LTBP1: variants seen among roughly 807,000 people sequenced by gnomAD.
The protein encoded by LTBP1 is latent transforming growth factor beta binding protein 1, also known as latent-transforming growth factor beta-binding protein 1.
In LTBP1, 129 loss-of-function variants were observed where a neutral mutation model predicts 207.6. The observed-to-expected ratio is 0.62, with a 90% CI of 0.54 to 0.72. LTBP1 has a LOEUF of 0.72. Among genes scored for constraint, LTBP1 ranks in the 30% least tolerant of loss-of-function variants. The probability of loss-of-function intolerance (pLI) is 0.00; values close to 1 mark genes in which losing one functional copy is unlikely to be tolerated. For missense variants in LTBP1, 2,281 were observed against 2,217.2 expected, an observed-to-expected ratio of 1.03 and a Z score of -0.58; for synonymous variants, 963 against 833.7, an observed-to-expected ratio of 1.16 and a Z score of -2.67.
intron 5 of LTBP1, among the ~76,000 whole-genome samples, chr2:33,164,534 G>A (rs1220073078): frequency 6.6e-6 from 1 of 151,520 alleles, no homozygotes; most frequent in Non-Finnish European, 1.5e-5. Flanking sequence ...TAGTATTTTA[G>A]TCTATGCTTT....
intron 2 of LTBP1, among the ~76,000 whole-genome samples, chr2:32,973,341 A>G (rs948362860): frequency 6.6e-6 from 1 of 152,130 alleles, no homozygotes; most frequent in Middle Eastern, 3.2e-3. Flanking sequence ...GTGTATATAT[A>G]CTTAGTATAA....
intron 5 of LTBP1, among the ~76,000 whole-genome samples, chr2:33,156,469 T>G (rs1224997208): frequency 6.6e-6 from 1 of 152,210 alleles, no homozygotes; most frequent in Non-Finnish European, 1.5e-5. Flanking sequence ...GTCTGAGTTT[T>G]GTATTGTACT....
At position 33,280,176 on chromosome 2, in the gene LTBP1, C is replaced by A. The variant is rs905634254; in HGVS notation, c.3112+18C>A. ...GTGCCTTGGTAGGTACTATAGTGTA[C>A]TTATCAAAGATTTGTTTCTTCTGCA... is the stretch of plus-strand genomic sequence containing the variant. On this transcript the variant is annotated intron_variant, in intron 19 of 33. Coordinates refer to ENST00000404816, the MANE Select transcript of LTBP1 (RefSeq NM_206943.4). 6.3e-7 allele frequency: 1 copy of A among 1,596,478 alleles called. No individual in the cohort carries two copies. The highest frequency in any genetic ancestry group is 1.1e-5 in the South Asian group (1 of 87,032).
chr2:33,093,335 C>G (rs930589115), intron 3 of LTBP1, among the ~76,000 whole-genome samples: 1 of 152,108 alleles, frequency 6.6e-6, no homozygotes, highest in Admixed American at 6.5e-5. Flanking sequence ...CCCCTGCTCT[C>G]CCTCCTATTC....
chr2:33,179,853 T>C (rs1479204023), intron 5 of LTBP1, among the ~76,000 whole-genome samples: 2 of 152,162 alleles, frequency 1.3e-5, no homozygotes, highest in Non-Finnish European at 2.9e-5. Flanking sequence ...TTTATATTCT[T>C]TGTGTTTAAC....
chr2:33,392,756 A>T (rs912648631), intron 32 of LTBP1, among the ~76,000 whole-genome samples: 4 of 152,202 alleles, frequency 2.6e-5, no homozygotes, highest in Non-Finnish European at 5.9e-5. Context: ...TGTAATAATA[A>T]AAAAGGTATT....
chr2:33,041,338 G>A (rs868684819), intron 3 of LTBP1, among the ~76,000 whole-genome samples: 10 of 151,984 alleles, frequency 6.6e-5, no homozygotes, highest in Non-Finnish European at 1.5e-4. Flanking sequence ...AGGCTGGAGT[G>A]CAGTGGCATG....
chr2:33,358,734 A>G (rs1311544717), intron 26 of LTBP1, among the ~76,000 whole-genome samples: 1 of 152,174 alleles, frequency 6.6e-6, no homozygotes, highest in African/African-American at 2.4e-5. Flanking sequence ...GACCAGCTGA[A>G]TAAAATAATT....
At chr2:33,236,290 C>A (rs759588652) in intron 9 of LTBP1, among the ~76,000 whole-genome samples, 15 of 152,160 alleles carry the variant, frequency 9.9e-5, no homozygotes, top group Non-Finnish European at 1.6e-4. Flanking sequence ...GATGCCAGAT[C>A]ATGTTTTACA....
chr2:33,088,401 G>A (rs1197573429), intron 3 of LTBP1, among the ~76,000 whole-genome samples: 2 of 152,080 alleles, frequency 1.3e-5, no homozygotes, highest in East Asian at 1.9e-4. Context: ...GCGGTGAGCC[G>A]AGATCATGCC....
chr2:33,082,089 AGAGGT>A (rs1159332356), intron 3 of LTBP1, among the ~76,000 whole-genome samples: 1 of 152,198 alleles, frequency 6.6e-6, no homozygotes, highest in Non-Finnish European at 1.5e-5. Context: ...GGGATCTTTA[AGAGGT>A]GATTAGGCCG....
At chr2:33,014,047 C>T (rs765828888) in intron 2 of LTBP1, among the ~76,000 whole-genome samples, 2 of 152,100 alleles carry the variant, frequency 1.3e-5, no homozygotes, top group Non-Finnish European at 2.9e-5. Flanking sequence ...TGTGACTTGA[C>T]GATCTGACTC....
chr2:33,333,739 A>C (rs1339558242), intron 24 of LTBP1, among the ~76,000 whole-genome samples: 1 of 152,206 alleles, frequency 6.6e-6, no homozygotes, highest in African/African-American at 2.4e-5. Context: ...CCCATAGGGA[A>C]TTGGATCAAG....
At chr2:32,960,423 GA>G (rs1295075517) in intron 2 of LTBP1, among the ~76,000 whole-genome samples, 2 of 152,068 alleles carry the variant, frequency 1.3e-5, no homozygotes, top group African/African-American at 2.4e-5. Context: ...ATGAATGAAT[GA>G]ATGAATGAAT....
At chr2:33,128,244 A>G (rs1487735562) in intron 4 of LTBP1, among the ~76,000 whole-genome samples, 3 of 152,246 alleles carry the variant, frequency 2.0e-5, no homozygotes, top group Non-Finnish European at 2.9e-5. Context: ...TTTGAAAGAC[A>G]ACAAATGTGG....
intron 26 of LTBP1, among the ~76,000 whole-genome samples, chr2:33,353,003 G>T (rs2094804062): frequency 8.4e-6 from 1 of 119,100 alleles, no homozygotes. Flanking sequence ...TTTTGAGACA[G>T]AGTCTTGCTC....
intron 5 of LTBP1, among the ~76,000 whole-genome samples, chr2:33,172,577 C>T (rs1233689139): frequency 1.3e-5 from 2 of 152,054 alleles, no homozygotes; most frequent in African/African-American, 2.4e-5. Context: ...ACCCCACTGT[C>T]AACATTAGAC....
chr2:33,374,468 C>G (rs1349112401), intron 31 of LTBP1, among the ~76,000 whole-genome samples: 1 of 152,200 alleles, frequency 6.6e-6, no homozygotes, highest in East Asian at 1.9e-4. Context: ...CCGCTAGTCA[C>G]TTACAATGGA....
At chr2:33,204,467 C>T (rs2089664066) in intron 7 of LTBP1, among the ~76,000 whole-genome samples, 1 of 152,208 alleles carries the variant, frequency 6.6e-6, no homozygotes, top group Non-Finnish European at 1.5e-5. Flanking sequence ...AGAGCAATGC[C>T]TCCAAGATGA....
Sources: allele counts gnomAD v4.1 joint callset (sites outside exome capture counted in the v4.1 genomes callset), GRCh38; gene constraint gnomAD v4.1.1; transcripts MANE v1.5; gene names NCBI Gene and HGNC (gene_info 2026-07-23, HGNC 2026-07-21).